Variants in DPM1 observed in about 807,000 individuals in gnomAD.
The protein encoded by DPM1 is dolichyl-phosphate mannosyltransferase subunit 1, catalytic.
DPM1 carries 27 observed loss-of-function variants against 39.0 expected under a neutral mutation model. The observed-to-expected ratio is 0.69, with a 90% CI of 0.51 to 0.95. The LOEUF is 0.95. Among genes scored for constraint, DPM1 ranks in the 40% least tolerant of loss-of-function variants. The probability of loss-of-function intolerance (pLI) is 0.00; values close to 1 mark genes in which losing one functional copy is unlikely to be tolerated. For synonymous variants in DPM1, 124 were observed against 109.0 expected, an observed-to-expected ratio of 1.14 and a Z score of -0.86; for missense variants, 307 against 315.6, an observed-to-expected ratio of 0.97 and a Z score of 0.21.
intron 8 of DPM1, among the ~76,000 whole-genome samples, chr20:50,935,754 T>TG (rs1423665404): frequency 6.6e-6 from 1 of 152,200 alleles, no homozygotes; most frequent in African/African-American, 2.4e-5. Flanking sequence ...ACCACCTCCT[T>TG]GCTCTGTAAT....
At chr20:50,937,818 GTTAT>G (rs1985340660) in intron 7 of DPM1, among the ~76,000 whole-genome samples, 1 of 151,598 alleles carries the variant, frequency 6.6e-6, no homozygotes, top group African/African-American at 2.4e-5. Context: ...AACTTTTAAA[GTTAT>G]TATTATTATT....
intron 2 of DPM1, among the ~76,000 whole-genome samples, chr20:50,952,881 G>A (rs1022536190): frequency 5.3e-5 from 8 of 152,218 alleles, no homozygotes; most frequent in Non-Finnish European, 1.0e-4. Context: ...CACACAGCAC[G>A]GTGACTATAG....
intron 1 of DPM1, among the ~76,000 whole-genome samples, chr20:50,957,156 G>C (rs1986869133): frequency 6.6e-6 from 1 of 152,132 alleles, no homozygotes; most frequent in Non-Finnish European, 1.5e-5. Flanking sequence ...AAAACTCTGA[G>C]GGGCAAGGCA....
intron 6 of DPM1, 162 bp from the exon 7 acceptor site, chr20:50,941,095 GA>G: frequency 1.2e-6 from 1 of 823,158 alleles, no homozygotes; most frequent in Non-Finnish European, 1.9e-6. Context: ...TTTAGTCAAT[GA>G]AAGGAGACCT....
intron 7 of DPM1, among the ~76,000 whole-genome samples, chr20:50,939,577 G>A (rs1985531407): frequency 6.6e-6 from 1 of 151,650 alleles, no homozygotes; most frequent in Admixed American, 6.6e-5. Context: ...TGATTCACCT[G>A]CCTAGGCCTC....
intron 2 of DPM1, among the ~76,000 whole-genome samples, chr20:50,951,427 T>C (rs1400832980): frequency 6.6e-6 from 1 of 152,174 alleles, no homozygotes; most frequent in African/African-American, 2.4e-5. Context: ...CACACATATA[T>C]GCACAAAAAA....
chr20:50,952,664 G>T (rs1195463101), intron 2 of DPM1, among the ~76,000 whole-genome samples: 1 of 152,090 alleles, frequency 6.6e-6, no homozygotes, highest in Non-Finnish European at 1.5e-5. Flanking sequence ...TGAATTATCT[G>T]GTTGGTTGGG....
At chr20:50,939,478 C>G (rs1238210648) in intron 7 of DPM1, among the ~76,000 whole-genome samples, 1 of 149,930 alleles carries the variant, frequency 6.7e-6, no homozygotes, top group East Asian at 2.0e-4. Context: ...AGACTACAGG[C>G]CCACCACCAC....
At chr20:50,936,540 T>TA (rs928402105) in intron 7 of DPM1, among the ~76,000 whole-genome samples, 2 of 152,232 alleles carry the variant, frequency 1.3e-5, no homozygotes, top group African/African-American at 4.8e-5. Context: ...ATTAGTGAAA[T>TA]ACGGTAAAAT....
In DPM1 at chr20:50,958,400, G is replaced by C. The variant is rs772672531; in HGVS notation, c.124C>G (p.Leu42Val). The stretch of plus-strand genomic sequence containing the variant: ...CTTTTCACCAGCAGCCACACGATGA[G>C]CGGCAGGTTCTCGCGCTCGTTGTAG... The part of the protein sequence containing the change: ...PTYNERENLP[L>V]IVWLLVKSFS... Residue 42 changes from leucine (L) to valine (V), a missense_variant, in exon 1 of 9, where the codon CTC (leucine) becomes GTC (valine). This residue lies in a region of DPM1 where 206 missense variants were observed against 188.2 expected (regional missense o/e 1.09). Transcript: ENST00000371588. The C allele has an allele frequency of 1.2e-6, 2 of 1,614,058 alleles. No individual in the cohort carries two copies. The highest frequency in any genetic ancestry group is 4.5e-5 in the East Asian group (2 of 44,878).
At position 50,935,166 on chromosome 20, in the gene DPM1, AAG is replaced by A. The variant is rs1481986133; in HGVS notation, c.747_748del (p.Leu250GlufsTer25). The A allele has an allele frequency of 6.2e-7, 1 of 1,606,472 alleles. No homozygotes were observed. The highest frequency in any genetic ancestry group is 2.2e-5 in the East Asian group (1 of 44,714). Reference sequence around the variant, plus strand: ...AGCAAAAAGAGTCAATAATCCTTTCAAGAAAGATACTATTTCATTTCCTCCCA... The same window carrying A: ...AGCAAAAAGAGTCAATAATCCTTTCAAAAGATACTATTTCATTTCCTCCCA... On this transcript the variant is annotated frameshift_variant, in exon 9 of 9. Coordinates refer to ENST00000371588, the MANE Select transcript of DPM1 (RefSeq NM_003859.3). LOFTEE classifies it high-confidence loss of function.
intron 3 of DPM1, among the ~76,000 whole-genome samples, chr20:50,947,421 G>T (rs1986353654): frequency 6.6e-6 from 1 of 152,178 alleles, no homozygotes; most frequent in Non-Finnish European, 1.5e-5. Context: ...GCAGTTTCCA[G>T]ATTTTTTTGA....
At chr20:50,950,792 C>A (rs1986533037) in intron 2 of DPM1, among the ~76,000 whole-genome samples, 1 of 152,146 alleles carries the variant, frequency 6.6e-6, no homozygotes, top group Non-Finnish European at 1.5e-5. Flanking sequence ...ATCGCTTGAA[C>A]CCGGGAAGTA....
chr20:50,955,762 A>G (rs1986794417), intron 1 of DPM1, among the ~76,000 whole-genome samples: 1 of 152,068 alleles, frequency 6.6e-6, no homozygotes, highest in Admixed American at 6.6e-5. Context: ...ACGGGGTTTC[A>G]CCGTGTTAGC....
chr20:50,946,618 A>AC (rs1220213104), intron 3 of DPM1, among the ~76,000 whole-genome samples: 1 of 152,232 alleles, frequency 6.6e-6, no homozygotes, highest in African/African-American at 2.4e-5. Context: ...GGCCTAGGTG[A>AC]CAATTACTCA....
chr20:50,935,113 A>G lies in DPM1; in HGVS notation c.*19T>C. 7.3e-7 allele frequency: 1 copy of G among 1,364,484 alleles called. No individual in the cohort carries two copies. 84.5% of individuals were successfully genotyped at this position (1,364,484 alleles called of 1,614,324 possible). A position where few individuals can be genotyped will look rare whatever the true frequency, so the allele number is the denominator to read the frequency against. On this transcript the variant is annotated 3_prime_UTR_variant, in exon 9 of 9. Coordinates refer to ENST00000371588, the MANE Select transcript of DPM1 (RefSeq NM_003859.3). The stretch of plus-strand genomic sequence containing the variant: ...TGTTTAACCTGAAATGAACGTAACT[A>G]TAAATGAGTATCTTTCTTTTATGTA...
chr20:50,950,705 A>C (rs1986528732), intron 2 of DPM1, among the ~76,000 whole-genome samples: 1 of 152,098 alleles, frequency 6.6e-6, no homozygotes, highest in Admixed American at 6.5e-5. Flanking sequence ...CCTCATCTCT[A>C]CTAAAAATAC....
intron 2 of DPM1, among the ~76,000 whole-genome samples, chr20:50,950,319 G>A (rs1986510832): frequency 6.6e-6 from 1 of 152,132 alleles, no homozygotes; most frequent in African/African-American, 2.4e-5. Context: ...GCATAAAGAT[G>A]GATAAAATAC....
chr20:50,948,309 G>A (rs1227613100), intron 3 of DPM1, among the ~76,000 whole-genome samples: 2 of 152,056 alleles, frequency 1.3e-5, no homozygotes. Flanking sequence ...CATCCCTAGG[G>A]GTGGCAGTGA....
Sources: allele counts gnomAD v4.1 joint callset (sites outside exome capture counted in the v4.1 genomes callset), GRCh38; gene constraint gnomAD v4.1.1; regional missense constraint gnomAD v4.1.1; transcripts MANE v1.5; gene names NCBI Gene and HGNC (gene_info 2026-07-23, HGNC 2026-07-21).